The following PKD1L1 variants were observed in gnomAD, a reference collection of about 807,000 sequenced individuals.
PKD1L1 encodes the protein polycystin-1-like protein 1.
Under a neutral mutation model 323.4 loss-of-function variants are expected in PKD1L1, and 236 were observed. That is an observed-to-expected ratio of 0.73 (90% CI 0.66 to 0.81). The LOEUF is 0.81. Among genes scored for constraint, PKD1L1 ranks in the 40% least tolerant of loss-of-function variants. The pLI, the probability that PKD1L1 is intolerant of heterozygous loss-of-function variation, is 0.00. For missense variants in PKD1L1, 3,320 were observed against 3,508.0 expected (o/e 0.95, Z 1.35); for synonymous variants, 1,344 against 1,335.0 (o/e 1.01, Z -0.15).
intron 2 of PKD1L1, among the ~76,000 whole-genome samples, chr7:47,942,267 C>T (rs1444693548): frequency 2.0e-5 from 3 of 152,172 alleles, no homozygotes; most frequent in Non-Finnish European, 2.9e-5. Flanking sequence ...CCTGGCAATC[C>T]TCGCAGTCTT....
At chr7:47,931,847 G>T in intron 5 of PKD1L1, 89 bp downstream of exon 5, 4 of 1,453,496 alleles carry the variant, frequency 2.8e-6, no homozygotes, top group East Asian at 2.4e-5. Flanking sequence ...CTCTGAGGCC[G>T]CCTACATACG....
Position 47,831,324 on chromosome 7 carries a change from C to A in PKD1L1, c.6366G>T (p.Met2122Ile), listed in dbSNP as rs752245974. Residue 2122 changes from methionine (M) to isoleucine (I), a missense_variant, in exon 42 of 57, where the codon ATG (methionine) becomes ATT (isoleucine). Coordinates refer to ENST00000289672, the MANE Select transcript of PKD1L1 (RefSeq NM_138295.5). The part of the protein sequence containing the change: ...QAPSSGLEGL[M>I]PQWSRALQPW... Reference sequence around the variant, plus strand: ...GCTGAAGGGCCCTTGACCACTGGGGCATTAGTCCCTCCAAACCACTGCTGG... The same window carrying A: ...GCTGAAGGGCCCTTGACCACTGGGGAATTAGTCCCTCCAAACCACTGCTGG... The A allele has an allele frequency of 6.2e-7, 1 of 1,614,022 alleles. No individual in the cohort carries two copies. Among genetic ancestry groups the A allele is most frequent in the Non-Finnish European group, 8.5e-7 (1 of 1,179,984 alleles).
intron 9 of PKD1L1, among the ~76,000 whole-genome samples, chr7:47,907,071 A>G (rs1787221143): frequency 6.6e-6 from 1 of 152,236 alleles, no homozygotes; most frequent in Admixed American, 6.5e-5. Context: ...TCAGGTTTAG[A>G]TAAGACAAGT....
intron 25 of PKD1L1, 71 bp downstream of exon 25, chr7:47,866,348 C>A: frequency 1.3e-6 from 2 of 1,501,514 alleles, no homozygotes; most frequent in Non-Finnish European, 1.8e-6. Context: ...TGCTAGTGAG[C>A]CAGCCAGTCA....
intron 8 of PKD1L1, among the ~76,000 whole-genome samples, chr7:47,914,658 A>G (rs865987017): frequency 6.6e-6 from 1 of 152,110 alleles, no homozygotes; most frequent in Non-Finnish European, 1.5e-5. Context: ...CCTCAACCTC[A>G]TCTTACCCAA....
chr7:47,901,061 C>G (rs776457616), intron 13 of PKD1L1, among the ~76,000 whole-genome samples: 1 of 151,718 alleles, frequency 6.6e-6, no homozygotes, highest in East Asian at 1.9e-4. Context: ...AAAAAATGAC[C>G]GGGCAGGGTC....
intron 31 of PKD1L1, among the ~76,000 whole-genome samples, chr7:47,849,246 C>T (rs1030912550): frequency 1.3e-5 from 2 of 152,130 alleles, no homozygotes; most frequent in Admixed American, 1.3e-4. Context: ...TGTAAAAATT[C>T]TAAAAGATAA....
chr7:47,902,869 A>G (rs142537748), intron 12 of PKD1L1, among the ~76,000 whole-genome samples: 501 of 152,304 alleles, frequency 3.3e-3, no homozygotes, highest in African/African-American at 0.011. Context: ...ACAGATCTAT[A>G]TATTTTCTCT....
In PKD1L1 at chr7:47,905,868, G is replaced by T. The variant is rs145857921; in HGVS notation, c.1497C>A (p.Ser499Arg). 6 of 1,613,246 alleles carry T rather than the reference G, an allele frequency of 3.7e-6. No homozygotes were observed. Among genetic ancestry groups the T allele is most frequent in the African/African-American group, 1.3e-5 (1 of 74,858 alleles). The stretch of plus-strand genomic sequence containing the variant: ...ATTGCATCTTATACCAGACAGTCAT[G>T]CTGTGCCAAGCCTGGCTGTCACCCA... ...TQVGDSQAWHSMTVWYKMQSV... is the reference protein window; with the variant it reads ...TQVGDSQAWHRMTVWYKMQSV... The change falls in exon 10 of 57, where the codon AGC becomes AGA. Residue 499 changes from serine to arginine, a missense_variant. Physicochemically the swap from Ser to Arg is moderately radical, Grantham distance 110. Coordinates refer to ENST00000289672, the MANE Select transcript of PKD1L1 (RefSeq NM_138295.5).
rs1403578513 is a variant in PKD1L1, at chr7:47,840,551, CA to C, written c.5461del (p.Cys1821ValfsTer30). The C allele has an allele frequency of 6.2e-7, 1 of 1,613,900 alleles. No individual in the cohort carries two copies. Among genetic ancestry groups the C allele is most frequent in the South Asian group, 1.1e-5 (1 of 91,064 alleles). ...RLTSKVYIVL[C>X]GDNGLSETKE... ...GGTTTCTGACAGTCCATTGTCGCCA[CA>C]TAAAACAATGTACACCTCAAAACAA... is the stretch of plus-strand genomic sequence containing the variant. On this transcript the variant is annotated frameshift_variant, in exon 35 of 57. Coordinates refer to ENST00000289672, the MANE Select transcript of PKD1L1 (RefSeq NM_138295.5). LOFTEE classifies it high-confidence loss of function. This position sits in a 1 kb window ranked among gnomAD's most constrained non-coding sequence, Gnocchi z 4.1.
Position 47,882,104 on chromosome 7 carries a change from C to T in PKD1L1, c.3266-19G>A, listed in dbSNP as rs1439987715. On this transcript the variant is annotated intron_variant, in intron 19 of 56. Coordinates refer to ENST00000289672, the MANE Select transcript of PKD1L1 (RefSeq NM_138295.5). ...TCCTTAGCTAGGAAGATAAACCAAG[C>T]CAATAGATGTTAAAGAAAAAAAGTC... 1.9e-6 allele frequency: 3 copies of T among 1,608,992 alleles called. No individual in the cohort carries two copies. The highest frequency in any genetic ancestry group is 2.5e-6 in the Non-Finnish European group (3 of 1,178,660).
In PKD1L1 at chr7:47,842,961, C is replaced by G; in HGVS notation, c.5445+1G>C. ...AGAGTACCCCCAGATGCTCGAGCTA[C>G]CTTTGAGGTCAACCTGGCCGGAGCT... On this transcript the variant is annotated splice_donor_variant, in intron 34 of 56. Coordinates refer to ENST00000289672, the MANE Select transcript of PKD1L1 (RefSeq NM_138295.5). LOFTEE classifies it high-confidence loss of function. 1 of 1,612,188 alleles carries G rather than the reference C, an allele frequency of 6.2e-7. No individual in the cohort carries two copies. Among genetic ancestry groups the G allele is most frequent in the South Asian group, 1.1e-5 (1 of 90,702 alleles).
At chr7:47,856,299 A>G (rs1450520220) in intron 28 of PKD1L1, among the ~76,000 whole-genome samples, 1 of 152,164 alleles carries the variant, frequency 6.6e-6, no homozygotes, top group African/African-American at 2.4e-5. Context: ...TCGGCCTCCC[A>G]AACTGCTGGG....
chr7:47,860,880 C>T (rs1006719966), intron 26 of PKD1L1, among the ~76,000 whole-genome samples: 2 of 152,140 alleles, frequency 1.3e-5, no homozygotes, highest in Non-Finnish European at 2.9e-5. Context: ...GTAGGGTCAT[C>T]GATGGGAAGT....
chr7:47,943,160 AAAAATAT>A (rs1165999986), intron 2 of PKD1L1, among the ~76,000 whole-genome samples: 4 of 54,126 alleles, frequency 7.4e-5, no homozygotes, highest in African/African-American at 1.4e-4. Flanking sequence ...AAAAAAAAAA[AAAAATAT>A]ATATATATAT....
chr7:47,911,851 AAC>A (rs147466911), intron 8 of PKD1L1, among the ~76,000 whole-genome samples: 23 of 150,444 alleles, frequency 1.5e-4, no homozygotes, highest in East Asian at 3.9e-4. Flanking sequence ...GTGTGTACGC[AAC>A]ACACACACAC....
At position 47,855,651 on chromosome 7, in the gene PKD1L1, C is replaced by T. The variant is rs372251119; in HGVS notation, c.4591-386G>A. ...CAGCACTTTGGGAGGCCGAGGCGGG[C>T]GGATCACGAGGTCAGGAGATCGAGA... is the stretch of plus-strand genomic sequence containing the variant. On this transcript the variant is annotated intron_variant, in intron 28 of 56. Coordinates refer to ENST00000289672, the MANE Select transcript of PKD1L1 (RefSeq NM_138295.5). Among the ~76,000 whole-genome samples the T allele has an allele frequency of 4.8e-4, 47 of 97,280 alleles. 6 individuals carry two copies. The East Asian group carries it at 8.1e-3, about 17-fold the overall frequency. The allele number at this position is 97,280 out of a possible 152,430, so 63.8% of individuals were successfully genotyped here.
upstream of PKD1L1, among the ~76,000 whole-genome samples, chr7:47,949,701 A>AT (rs1274955258): frequency 2.6e-5 from 4 of 152,122 alleles, no homozygotes; most frequent in South Asian, 2.1e-4. Context: ...AACACTAGAT[A>AT]TTTTTTCTCT....
In PKD1L1 at chr7:47,829,598, A is replaced by AT. The variant is rs1386510002; in HGVS notation, c.6561dup (p.Cys2188MetfsTer14). The AT allele has an allele frequency of 6.2e-7, 1 of 1,606,030 alleles. No individual in the cohort carries two copies. The highest frequency in any genetic ancestry group is 1.3e-5 in the African/African-American group (1 of 74,440). On this transcript the variant is annotated frameshift_variant, in exon 44 of 57. Transcript: ENST00000289672. LOFTEE classifies it high-confidence loss of function. The stretch of plus-strand genomic sequence containing the variant: ...CAAGCAAAACCCAAGGCCATGAGGC[A>AT]TACCTGGAAGGAAAAACATGACAGC...
Sources: allele counts gnomAD v4.1 joint callset (sites outside exome capture counted in the v4.1 genomes callset), GRCh38; gene constraint gnomAD v4.1.1; non-coding constraint Gnocchi (gnomAD v3.1); transcripts MANE v1.5; gene names NCBI Gene and HGNC (gene_info 2026-07-23, HGNC 2026-07-21).